Variants in SIPA1L2 observed in about 807,000 individuals in gnomAD.
The protein encoded by SIPA1L2 is signal-induced proliferation-associated 1-like protein 2.
In SIPA1L2, 56 loss-of-function variants were observed where a neutral mutation model predicts 163.9. The ratio of observed to expected loss-of-function variants is 0.34; its 90% CI spans 0.28 to 0.43. The LOEUF is 0.43. Ranked by LOEUF, SIPA1L2 falls within the 20% of genes least tolerant of loss-of-function variation. The probability of loss-of-function intolerance (pLI) is 1.00; values close to 1 mark genes in which losing one functional copy is unlikely to be tolerated. For missense variants in SIPA1L2, 1,974 were observed against 2,193.5 expected (o/e 0.90, Z 2.00); for synonymous variants, 877 against 865.7 (o/e 1.01, Z -0.23).
chr1:232,434,836 A>G (rs1194142031), intron 15 of SIPA1L2, among the ~76,000 whole-genome samples: 1 of 151,980 alleles, frequency 6.6e-6, no homozygotes, highest in Non-Finnish European at 1.5e-5. Flanking sequence ...AATTAGCTGC[A>G]AGCCTAAAGA....
intron 3 of SIPA1L2, among the ~76,000 whole-genome samples, chr1:232,499,257 G>A (rs1336737552): frequency 2.0e-5 from 3 of 152,198 alleles, no homozygotes; most frequent in Non-Finnish European, 2.9e-5. Context: ...GTCAATAGCC[G>A]AGACAGGCTG....
chr1:232,546,407 G>A (rs1034045780), intron 2 of SIPA1L2, among the ~76,000 whole-genome samples: 3 of 152,108 alleles, frequency 2.0e-5, no homozygotes, highest in Non-Finnish European at 2.9e-5. Context: ...TCTTTAGTAA[G>A]AGTCAATACA....
intron 1 of SIPA1L2, among the ~76,000 whole-genome samples, chr1:232,615,472 C>G (rs1309456755): frequency 6.6e-6 from 1 of 152,108 alleles, no homozygotes; most frequent in Non-Finnish European, 1.5e-5. Context: ...CCCCTGGACT[C>G]CAGTGGAACT....
At chr1:232,478,063 T>G (rs553036883) in intron 7 of SIPA1L2, among the ~76,000 whole-genome samples, 1 of 152,220 alleles carries the variant, frequency 6.6e-6, no homozygotes, top group Admixed American at 6.5e-5. Context: ...GCTGGACAAC[T>G]GTCCTGGTCT....
rs188961578 is a variant in SIPA1L2 at position 232,500,787 on chromosome 1, T to A, written c.1484-7127A>T. On this transcript the variant is annotated intron_variant, in intron 3 of 22. Transcript: ENST00000674635. ...CTTGGTAGATTCAACAGTGGCAGAG[T>A]TTCCAATTTTGAAAGACGTTCTACT... is the stretch of plus-strand genomic sequence containing the variant. Among the ~76,000 whole-genome samples the A allele has an allele frequency of 2.9e-3, 444 of 151,858 alleles. 1 individual carries two copies. The highest frequency in any genetic ancestry group is 0.017 in the South Asian group (82 of 4,812).
intron 2 of SIPA1L2, among the ~76,000 whole-genome samples, chr1:232,531,950 A>C (rs1656987808): frequency 6.6e-6 from 1 of 152,184 alleles, no homozygotes; most frequent in African/African-American, 2.4e-5. Flanking sequence ...GCAAGCACAC[A>C]GGTTAGAAAG....
intron 7 of SIPA1L2, among the ~76,000 whole-genome samples, chr1:232,476,831 AG>A (rs2102960075): frequency 6.6e-6 from 1 of 152,350 alleles, no homozygotes; most frequent in African/African-American, 2.4e-5. Context: ...ACAAGAAATT[AG>A]ATCTGATGTG....
At chr1:232,619,691 T>A (rs936858039) in intron 1 of SIPA1L2, among the ~76,000 whole-genome samples, 3 of 152,164 alleles carry the variant, frequency 2.0e-5, no homozygotes, top group Non-Finnish European at 2.9e-5. Context: ...AGGGTGCCCC[T>A]GTTAACTTGG....
At chr1:232,399,973 A>G (rs1660236315) in intron 22 of SIPA1L2, among the ~76,000 whole-genome samples, 1 of 152,122 alleles carries the variant, frequency 6.6e-6, no homozygotes, top group Non-Finnish European at 1.5e-5. Flanking sequence ...TGCCACCCCC[A>G]GCACTGTGCA....
intron 3 of SIPA1L2, among the ~76,000 whole-genome samples, chr1:232,495,753 C>A (rs977462047): frequency 6.6e-6 from 1 of 151,902 alleles, no homozygotes; most frequent in East Asian, 1.9e-4. Flanking sequence ...GGCTGAAAAA[C>A]TACTATTGTC....
chr1:232,475,513 T>C (rs576838489), intron 7 of SIPA1L2, among the ~76,000 whole-genome samples: 5 of 152,324 alleles, frequency 3.3e-5, no homozygotes, highest in African/African-American at 4.8e-5. Context: ...AAAAAGTTAA[T>C]GTAGAAAAGC....
chr1:232,610,654 C>T (rs999162904), intron 1 of SIPA1L2, among the ~76,000 whole-genome samples: 1 of 152,136 alleles, frequency 6.6e-6, no homozygotes, highest in Admixed American at 6.5e-5. Flanking sequence ...CAATGACGAA[C>T]TCAGGCACCT....
At chr1:232,437,008 A>G (rs1662605036) in intron 15 of SIPA1L2, among the ~76,000 whole-genome samples, 1 of 152,198 alleles carries the variant, frequency 6.6e-6, no homozygotes, top group Non-Finnish European at 1.5e-5. Flanking sequence ...TGGCGGAAGA[A>G]AGTAAAATCA....
intron 18 of SIPA1L2, among the ~76,000 whole-genome samples, chr1:232,420,816 A>C (rs532813433): frequency 1.8e-4 from 27 of 152,160 alleles, no homozygotes; most frequent in East Asian, 1.4e-3. Flanking sequence ...GCCTGAGCGA[A>C]AGAGTGAGAC....
chr1:232,489,933 A>C (rs1421398866), intron 5 of SIPA1L2, among the ~76,000 whole-genome samples: 1 of 151,694 alleles, frequency 6.6e-6, no homozygotes, highest in African/African-American at 2.4e-5. Flanking sequence ...TTCATCATTA[A>C]CTCTCTCCTG....
intron 22 of SIPA1L2, among the ~76,000 whole-genome samples, chr1:232,400,837 A>G (rs1660294636): frequency 6.6e-6 from 1 of 152,046 alleles, no homozygotes; most frequent in Non-Finnish European, 1.5e-5. Flanking sequence ...CACATCCTAT[A>G]CCATGCTATT....
intron 3 of SIPA1L2, among the ~76,000 whole-genome samples, chr1:232,495,481 C>T (rs914565379): frequency 2.7e-5 from 4 of 150,056 alleles, no homozygotes; most frequent in African/African-American, 4.9e-5. Flanking sequence ...AGGAGAATGG[C>T]GTGAACCTGG....
In SIPA1L2 at chr1:232,439,226, C is replaced by T; in HGVS notation, c.3913G>A (p.Gly1305Arg). 5 of 1,613,948 alleles carry T rather than the reference C, an allele frequency of 3.1e-6. No individual in the cohort carries two copies. The highest frequency in any genetic ancestry group is 4.2e-6 in the Non-Finnish European group (5 of 1,180,046). Reference protein sequence around the residue: ...EQWADAADVSGPDDEPAKLYS... With the variant: ...EQWADAADVSRPDDEPAKLYS... Reference sequence around the variant, plus strand: ...AACTTGGCTGGCTCGTCGTCAGGCCCAGAGACGTCGGCAGCATCAGCCCAC... The same window carrying T: ...AACTTGGCTGGCTCGTCGTCAGGCCTAGAGACGTCGGCAGCATCAGCCCAC... The change falls in exon 15 of 23, where the codon GGG becomes AGG. Residue 1305 changes from glycine (G) to arginine (R), a missense_variant. Gly to Arg is a moderately radical substitution (Grantham distance 125, BLOSUM62 -2). Coordinates refer to ENST00000674635, the MANE Select transcript of SIPA1L2 (RefSeq NM_020808.5).
In SIPA1L2 at chr1:232,432,314, CAT is replaced by C; in HGVS notation, c.4187_4188del (p.Tyr1396CysfsTer17). The C allele has an allele frequency of 6.2e-7, 1 of 1,614,158 alleles. No individual in the cohort carries two copies. Among genetic ancestry groups the C allele is most frequent in the East Asian group, 2.2e-5 (1 of 44,884 alleles). On this transcript the variant is annotated frameshift_variant, in exon 16 of 23. Coordinates refer to ENST00000674635, the MANE Select transcript of SIPA1L2 (RefSeq NM_020808.5). LOFTEE classifies it high-confidence loss of function. ...CCCTCCGATTTCTTCCAGCCGATGACATATTTGTTCACTGCCCCTTGTCTGTG... is the reference window on the plus strand; with the variant it reads ...CCCTCCGATTTCTTCCAGCCGATGACATTTGTTCACTGCCCCTTGTCTGTG... ...PYHRQGAVNK[Y>X]VIGWKKSEGS...
Sources: gnomAD v4.1 joint callset for allele counts (sites outside exome capture counted in the v4.1 genomes callset) on GRCh38, gnomAD v4.1.1 for gene constraint, MANE v1.5 for transcripts, NCBI Gene and HGNC (gene_info 2026-07-23, HGNC 2026-07-21) for gene names.